Variants in ABRACL observed in about 807,000 individuals in gnomAD.
The protein encoded by ABRACL is ABRA C-terminal like, also known as costars family protein ABRACL.
A neutral mutation model predicts 7.0 loss-of-function variants in ABRACL; 4 were observed. The observed-to-expected ratio is 0.57, with a 90% CI of 0.28 to 1.30. The LOEUF (loss-of-function observed/expected upper bound fraction) is 1.30. Among genes scored for constraint, ABRACL ranks in the 50% most tolerant of loss-of-function variants. The probability of loss-of-function intolerance (pLI) is 0.10; values close to 1 mark genes in which losing one functional copy is unlikely to be tolerated. For synonymous variants in ABRACL, 30 were observed against 36.0 expected (o/e 0.83, Z 0.60); for missense variants, 104 against 97.3 (o/e 1.07, Z -0.29).
intron 2 of ABRACL, among the ~76,000 whole-genome samples, chr6:139,035,409 T>C (rs1786138403): frequency 8.5e-5 from 13 of 152,210 alleles, no homozygotes; most frequent in Admixed American, 8.5e-4. Flanking sequence ...GGCTCATGAC[T>C]GTGTTTCTCT....
chr6:139,035,678 T>G (rs1423015935), intron 2 of ABRACL, among the ~76,000 whole-genome samples: 1 of 151,752 alleles, frequency 6.6e-6, no homozygotes. Context: ...AGATGGGGTT[T>G]CACCATGTTG....
intron 2 of ABRACL, among the ~76,000 whole-genome samples, chr6:139,038,448 T>C (rs937266640): frequency 3.3e-5 from 5 of 152,228 alleles, no homozygotes; most frequent in African/African-American, 1.2e-4. Context: ...TATGGTTAAT[T>C]ATTTAAGTTG....
rs766084351 is a variant in ABRACL, at chr6:139,042,763, G to C, written c.106G>C (p.Asp36His). The C allele has an allele frequency of 1.9e-5, 31 of 1,613,368 alleles. No homozygotes were observed. Among genetic ancestry groups the C allele is most frequent in the Non-Finnish European group, 2.6e-5 (31 of 1,179,804 alleles). The change falls in exon 3 of 3, where the codon GAT becomes CAT. Residue 36 changes from aspartate (D) to histidine (H), a missense_variant. By Grantham distance (81) the Asp-to-His change is moderately conservative (BLOSUM62 -1). Transcript: ENST00000367660. Reference sequence around the variant, plus strand: ...CGTGAAATTTGGGGTCCTCTTCCGTGATGATAAATGTGCCAACCTCTTTGA... The same window carrying C: ...CGTGAAATTTGGGGTCCTCTTCCGTCATGATAAATGTGCCAACCTCTTTGA... Reference protein sequence around the residue: ...LSVKFGVLFRDDKCANLFEAL... With the variant: ...LSVKFGVLFRHDKCANLFEAL...
At chr6:139,035,435 A>C (rs1433087955) in intron 2 of ABRACL, among the ~76,000 whole-genome samples, 1 of 152,078 alleles carries the variant, frequency 6.6e-6, no homozygotes, top group Non-Finnish European at 1.5e-5. Flanking sequence ...CAAAGCGAGC[A>C]AGAGCTGATT....
intron 2 of ABRACL, among the ~76,000 whole-genome samples, chr6:139,040,814 C>T (rs1786231986): frequency 6.6e-6 from 1 of 152,174 alleles, no homozygotes; most frequent in Admixed American, 6.5e-5. Flanking sequence ...GGTCACTGTT[C>T]CCCCAGCCAC....
chr6:139,034,117 A>G (rs752749669), intron 1 of ABRACL, 38 bp from the exon 2 acceptor site: 10 of 1,613,116 alleles, frequency 6.2e-6, no homozygotes, highest in Admixed American at 1.7e-5. Flanking sequence ...AATGGAATGT[A>G]ATGGTGATAA....
intron 2 of ABRACL, among the ~76,000 whole-genome samples, chr6:139,039,426 A>T (rs756832369): frequency 6.6e-6 from 1 of 152,210 alleles, no homozygotes; most frequent in South Asian, 2.1e-4. Flanking sequence ...CAAGTACTCA[A>T]TAAATGTTAG....
intron 2 of ABRACL, among the ~76,000 whole-genome samples, chr6:139,036,826 A>G (rs1786165174): frequency 6.6e-6 from 1 of 152,112 alleles, no homozygotes; most frequent in Admixed American, 6.6e-5. Context: ...TCTACAAAAA[A>G]ATAAAAAATT....
chr6:139,039,083 G>A (rs1320184311), intron 2 of ABRACL, among the ~76,000 whole-genome samples: 1 of 152,052 alleles, frequency 6.6e-6, no homozygotes, highest in East Asian at 1.9e-4. Context: ...AATTAGCTGG[G>A]CCTCGTGGCG....
intron 1 of ABRACL, 71 bp from the exon 2 acceptor site, chr6:139,034,084 G>C (rs1192115253): frequency 1.9e-6 from 3 of 1,590,782 alleles, no homozygotes; most frequent in African/African-American, 1.3e-5. Flanking sequence ...CAAGACAAAG[G>C]GCTCTTGGAT....
At chr6:139,029,239 G>A (rs911190164) in intron 1 of ABRACL, among the ~76,000 whole-genome samples, 7 of 152,202 alleles carry the variant, frequency 4.6e-5, no homozygotes, top group Admixed American at 6.5e-5. Context: ...GGGTGGGGAA[G>A]GGCTGGGGGC....
intron 2 of ABRACL, among the ~76,000 whole-genome samples, chr6:139,040,800 C>T (rs2504377): frequency 0.4 from 61,296 of 152,078 alleles, 13,942 homozygotes; most frequent in East Asian, 0.91. Flanking sequence ...GTAAACTTCA[C>T]GCTGGTCACT....
chr6:139,042,618 T>A (rs1786268686), intron 2 of ABRACL, 101 bp from the exon 3 acceptor site: 1 of 1,129,300 alleles, frequency 8.9e-7, no homozygotes, highest in Admixed American at 2.4e-5. Flanking sequence ...CAACCTTGGA[T>A]AGCCCATAGT....
chr6:139,029,584 A>T (rs888913758), intron 1 of ABRACL, among the ~76,000 whole-genome samples: 2 of 152,110 alleles, frequency 1.3e-5, no homozygotes, highest in African/African-American at 4.8e-5. Flanking sequence ...CCAGCCCTGC[A>T]CTGGTGCCGG....
chr6:139,034,379 G>A lies in ABRACL; in HGVS notation c.61+158G>A, dbSNP rs764096408. The A allele has an allele frequency of 1.9e-5, 29 of 1,557,676 alleles. No individual in the cohort carries two copies. In the South Asian group the frequency reaches 2.0e-4, roughly 11 times the overall value. Reference sequence around the variant, plus strand: ...CCAGGTTATAACTGCCCTTAGCCAGGAATTGACATCTGGAGACACGGGGCT... The same window carrying A: ...CCAGGTTATAACTGCCCTTAGCCAGAAATTGACATCTGGAGACACGGGGCT... On this transcript the variant is annotated intron_variant, in intron 2 of 2. Coordinates refer to ENST00000367660, the MANE Select transcript of ABRACL (RefSeq NM_021243.3).
chr6:139,029,784 G>A (rs1285123565), intron 1 of ABRACL, among the ~76,000 whole-genome samples: 1 of 152,170 alleles, frequency 6.6e-6, no homozygotes, highest in African/African-American at 2.4e-5. Context: ...CTGGGAAAAC[G>A]TGCCCAGCCC....
At chr6:139,030,187 T>C (rs986648420) in intron 1 of ABRACL, among the ~76,000 whole-genome samples, 1 of 152,154 alleles carries the variant, frequency 6.6e-6, no homozygotes, top group Non-Finnish European at 1.5e-5. Flanking sequence ...AGACATAGTT[T>C]CACGGTACTC....
chr6:139,038,439 A>T (rs557284742), intron 2 of ABRACL, among the ~76,000 whole-genome samples: 38 of 152,324 alleles, frequency 2.5e-4, no homozygotes, highest in African/African-American at 9.1e-4. Flanking sequence ...TGAACGTGTT[A>T]TGGTTAATTA....
intron 2 of ABRACL, among the ~76,000 whole-genome samples, chr6:139,038,753 C>G (rs1340575769): frequency 6.6e-6 from 1 of 152,100 alleles, no homozygotes; most frequent in Non-Finnish European, 1.5e-5. Context: ...CTGGAAGTAC[C>G]TAGAGGGAAG....
Sources: gnomAD v4.1 joint callset for allele counts (sites outside exome capture counted in the v4.1 genomes callset) on GRCh38, gnomAD v4.1.1 for gene constraint, MANE v1.5 for transcripts, NCBI Gene and HGNC (gene_info 2026-07-23, HGNC 2026-07-21) for gene names.